Variants in COL4A4 observed in about 807,000 individuals in gnomAD.
COL4A4 encodes the protein collagen alpha-4(IV) chain.
COL4A4 carries 105 observed loss-of-function variants against 192.9 expected under a neutral mutation model. The observed-to-expected ratio is 0.54, with a 90% CI of 0.46 to 0.64. The LOEUF is 0.64. COL4A4 is among the 30% of genes least tolerant of loss of function. COL4A4 has a pLI of 0.00. For synonymous variants in COL4A4, 762 were observed against 769.9 expected (o/e 0.99, Z 0.17); for missense variants, 1,967 against 2,169.3 (o/e 0.91, Z 1.85).
intron 26 of COL4A4, among the ~76,000 whole-genome samples, chr2:227,061,963 G>T (rs1034236214): frequency 6.6e-6 from 1 of 152,250 alleles, no homozygotes; most frequent in East Asian, 1.9e-4. Flanking sequence ...TTTCAGGCTG[G>T]GTGCGGTGGC....
At chr2:227,114,212 G>A (rs192914254) in intron 8 of COL4A4, among the ~76,000 whole-genome samples, 3 of 152,310 alleles carry the variant, frequency 2.0e-5, no homozygotes, top group Admixed American at 2.0e-4. Context: ...GGGACATTTG[G>A]TAATGTCTGG....
At chr2:227,137,273 G>A (rs754491476) in intron 4 of COL4A4, among the ~76,000 whole-genome samples, 2 of 152,186 alleles carry the variant, frequency 1.3e-5, no homozygotes, top group African/African-American at 4.8e-5. Flanking sequence ...ATGGGGGTAC[G>A]TGCAAGGAAA....
rs1963429734 is a variant in COL4A4 at position 227,010,515 on chromosome 2, G to A, written c.4334-14C>T. On this transcript the variant is annotated splice_polypyrimidine_tract_variant and intron_variant, in intron 45 of 47. Coordinates refer to ENST00000396625, the MANE Select transcript of COL4A4 (RefSeq NM_000092.5). ...GACCAGGAGGCCCTGGAGGAACAAA[G>A]GAAAAAAATTGAAGGCAGGTTAGGG... The A allele has an allele frequency of 1.3e-6, 2 of 1,536,942 alleles. No individual in the cohort carries two copies. Among genetic ancestry groups the A allele is most frequent in the Admixed American group, 2.3e-5 (1 of 43,916 alleles).
the COL4A4 span, among the ~76,000 whole-genome samples, chr2:226,983,746 G>C: frequency 3.3e-5 from 5 of 152,022 alleles, no homozygotes; most frequent in Non-Finnish European, 5.9e-5. Flanking sequence ...ATTTCAAATG[G>C]TCTTTGATTT....
chr2:227,152,631 T>C (rs996005117), intron 1 of COL4A4, among the ~76,000 whole-genome samples: 2 of 152,222 alleles, frequency 1.3e-5, no homozygotes, highest in Non-Finnish European at 2.9e-5. Context: ...TAAACAGCAG[T>C]GTGCCTGGCG....
chr2:227,049,625 A>G (rs1973625954), intron 34 of COL4A4, among the ~76,000 whole-genome samples: 1 of 152,280 alleles, frequency 6.6e-6, no homozygotes, highest in African/African-American at 2.4e-5. Context: ...CACCTGCTGG[A>G]AAGTCATGGC....
At position 227,088,767 on chromosome 2, in the gene COL4A4, G is replaced by A. The variant is rs759563620; in HGVS notation, c.1509C>T (p.Gly503=). 6.2e-7 allele frequency: 1 copy of A among 1,614,100 alleles called. No homozygotes were observed. Among genetic ancestry groups the A allele is most frequent in the Admixed American group, 1.7e-5 (1 of 60,020 alleles). ...CCTGCCTCCCAGGAAGTCCTGGAGGGCCAGGGGGGCCCATGGGTCCAGGCT... is the reference window on the plus strand; with the variant it reads ...CCTGCCTCCCAGGAAGTCCTGGAGGACCAGGGGGGCCCATGGGTCCAGGCT... The part of the protein sequence containing the change: ...ACEPGPMGPP[G]PPGLPGRQGS... Residue 503 remains glycine, a synonymous_variant, in exon 22 of 48, where the codon GGC becomes GGT. Coordinates refer to ENST00000396625, the MANE Select transcript of COL4A4 (RefSeq NM_000092.5).
At chr2:227,160,378 T>C (rs1009633142) in intron 1 of COL4A4, among the ~76,000 whole-genome samples, 28 of 152,212 alleles carry the variant, frequency 1.8e-4, no homozygotes, top group African/African-American at 5.8e-4. Context: ...GATCACGTGA[T>C]CCACTTAGCC....
At chr2:227,009,713 G>GGAAAAGAGAAGAGAAGA (rs58011300) in intron 46 of COL4A4, among the ~76,000 whole-genome samples, 1,669 of 139,384 alleles carry the variant, frequency 0.012, 32 homozygotes, top group African/African-American at 0.044. Flanking sequence ...AAAAAAAAGA[G>GGAAAAGAGAAGAGAAGA]GAAAAGAGAA....
intron 45 of COL4A4, among the ~76,000 whole-genome samples, chr2:227,011,756 A>C (rs1963762872): frequency 6.6e-6 from 1 of 152,192 alleles, no homozygotes; most frequent in South Asian, 2.1e-4. Context: ...GATGAAGTGA[A>C]CTCAGGAAAC....
intron 25 of COL4A4, among the ~76,000 whole-genome samples, chr2:227,073,790 TTGG>T (rs2058855861): frequency 6.6e-6 from 1 of 151,866 alleles, no homozygotes; most frequent in African/African-American, 2.4e-5. Flanking sequence ...AAACAAAAAA[TTGG>T]GGGGTGGACA....
At position 227,082,114 on chromosome 2, in the gene COL4A4, C is replaced by A. The variant is rs954701825; in HGVS notation, c.1696+1G>T. The A allele has an allele frequency of 1.9e-6, 3 of 1,613,844 alleles. No individual in the cohort carries two copies. Among genetic ancestry groups the A allele is most frequent in the African/African-American group, 2.7e-5 (2 of 74,908 alleles). ...GGAGTTAAGTGATTGATTATGCTCA[C>A]CTTTAACTCTTGATACAACCATGTC... On this transcript the variant is annotated splice_donor_variant, in intron 23 of 47. Coordinates refer to ENST00000396625, the MANE Select transcript of COL4A4 (RefSeq NM_000092.5). LOFTEE classifies it high-confidence loss of function.
chr2:226,988,421 C>A, the COL4A4 span: 2 of 1,550,368 alleles, frequency 1.3e-6, no homozygotes, highest in Admixed American at 3.9e-5. Context: ...CCTGGGAAGC[C>A]TGAAGCAGGC....
chr2:227,012,117 G>C lies in COL4A4; in HGVS notation c.4333+64C>G, dbSNP rs1467777797. 8.2e-6 allele frequency: 11 copies of C among 1,334,560 alleles called. No individual in the cohort carries two copies. The Admixed American group carries it at 1.7e-4, about 20-fold the overall frequency. The allele number at this position is 1,334,560 out of a possible 1,614,324, so 82.7% of individuals were successfully genotyped here. On this transcript the variant is annotated intron_variant, in intron 45 of 47. Transcript: ENST00000396625. ...GTTTGGAAAGCCACTTGAGAGATCA[G>C]AGATTTTGTATACAACTCTAAGGTT...
rs1961443188 is a variant in COL4A4, at chr2:227,003,434, T to C, written c.*3891A>G. The C allele has an allele frequency of 6.6e-6, 1 of 152,176 alleles. No homozygotes were observed. Among genetic ancestry groups the C allele is most frequent in the African/African-American group, 2.4e-5 (1 of 41,454 alleles). 9.4% of individuals were successfully genotyped at this position (152,176 alleles called of 1,614,324 possible). ...ACAGCTGAAAAATGACTAAGCCAGA[T>C]TTCAAACCTGGGTTCGACCAACTCT... On this transcript the variant is annotated 3_prime_UTR_variant, in exon 48 of 48. Transcript: ENST00000396625.
intron 28 of COL4A4, among the ~76,000 whole-genome samples, chr2:227,058,603 C>A (rs906061424): frequency 2.0e-5 from 3 of 152,082 alleles, no homozygotes; most frequent in Non-Finnish European, 4.4e-5. Flanking sequence ...ACTGGCCCAC[C>A]GACTTTTAGA....
At chr2:227,064,644 A>C (rs1245344321) in intron 25 of COL4A4, among the ~76,000 whole-genome samples, 1 of 152,240 alleles carries the variant, frequency 6.6e-6, no homozygotes, top group Non-Finnish European at 1.5e-5. Context: ...CAAATGCATC[A>C]GGTAACTTAT....
At chr2:226,988,572 C>T in the COL4A4 span, 1 of 1,381,052 alleles carries the variant, frequency 7.2e-7, no homozygotes. Context: ...GTGGAATCTG[C>T]ATCAGAAACA....
rs534122380 is a variant in COL4A4, at chr2:227,066,044, C to G, written c.1988-3446G>C. ...GAAGTGCTTAAAGGAGCTGATGGAG[C>G]TGAAAACCAAGCCTCGAGAACTACG... On this transcript the variant is annotated intron_variant, in intron 25 of 47. Coordinates refer to ENST00000396625, the MANE Select transcript of COL4A4 (RefSeq NM_000092.5). Among the ~76,000 whole-genome samples the G allele has an allele frequency of 1.8e-4, 27 of 152,292 alleles. No individual in the cohort carries two copies. In the South Asian group the frequency reaches 4.8e-3, roughly 27 times the overall value.
Sources: allele counts gnomAD v4.1 joint callset (sites outside exome capture counted in the v4.1 genomes callset), GRCh38; gene constraint gnomAD v4.1.1; transcripts MANE v1.5; gene names NCBI Gene and HGNC (gene_info 2026-07-23, HGNC 2026-07-21).